Variants in NPSR1 observed in about 807,000 individuals in gnomAD.
NPSR1 encodes neuropeptide S receptor.
In NPSR1, 48 loss-of-function variants were observed where a neutral mutation model predicts 46.9. That is an observed-to-expected ratio of 1.02 (90% confidence interval 0.81 to 1.30). The LOEUF is 1.30. NPSR1 is among the 50% of genes most tolerant of loss of function. NPSR1 has a pLI of 0.00. For missense variants in NPSR1, 450 were observed against 449.5 expected, an observed-to-expected ratio of 1.00 and a Z score of -0.01; for synonymous variants, 176 against 168.1, an observed-to-expected ratio of 1.05 and a Z score of -0.36.
At chr7:34,684,715 G>A in intron 2 of NPSR1, 31 bp downstream of exon 2, 7 of 1,571,118 alleles carry the variant, frequency 4.5e-6, no homozygotes, top group Non-Finnish European at 6.0e-6. Context: ...GAGGCAGGAA[G>A]CTATATGTGA....
In NPSR1 at chr7:34,731,214, A is replaced by G. The variant is rs1221965177; in HGVS notation, c.280+46530A>G. On this transcript the variant is annotated intron_variant, in intron 2 of 8. Coordinates refer to ENST00000360581, the MANE Select transcript of NPSR1 (RefSeq NM_207172.2). ...CTGATCAAGAGTTAATATACTCACT[A>G]AAAAAGGACTTTCTACAAATCAATA... Among the ~76,000 whole-genome samples, 11 of 152,126 alleles carry G rather than the reference A, an allele frequency of 7.2e-5. No individual in the cohort carries two copies. In the East Asian group the frequency reaches 2.1e-3, roughly 29 times the overall value.
chr7:34,789,322 T>C (rs757811136), intron 3 of NPSR1, among the ~76,000 whole-genome samples: 2 of 151,316 alleles, frequency 1.3e-5, no homozygotes, highest in East Asian at 2.0e-4. Context: ...AAATGGAGAA[T>C]AGAAAAACAA....
At chr7:34,673,110 C>T (rs1221612147) in intron 1 of NPSR1, among the ~76,000 whole-genome samples, 4 of 152,158 alleles carry the variant, frequency 2.6e-5, no homozygotes, top group Admixed American at 2.6e-4. Flanking sequence ...AACAGTCTCT[C>T]TAGGCTATAC....
intron 2 of NPSR1, among the ~76,000 whole-genome samples, chr7:34,740,033 G>A (rs1209979457): frequency 6.6e-6 from 1 of 152,116 alleles, no homozygotes; most frequent in African/African-American, 2.4e-5. Context: ...GTTGGGGACA[G>A]GGCTAAGCAT....
At chr7:34,716,878 C>G (rs939174743) in intron 2 of NPSR1, among the ~76,000 whole-genome samples, 12 of 152,152 alleles carry the variant, frequency 7.9e-5, no homozygotes, top group Non-Finnish European at 1.8e-4. Context: ...CCATTGCCTG[C>G]TTTGCACCAA....
intron 2 of NPSR1, among the ~76,000 whole-genome samples, chr7:34,708,888 C>A (rs183620232): frequency 6.6e-6 from 1 of 152,114 alleles, no homozygotes; most frequent in Non-Finnish European, 1.5e-5. Context: ...ACTTCAGGAC[C>A]TTTAAAGTTA....
intron 2 of NPSR1, among the ~76,000 whole-genome samples, chr7:34,714,049 T>C (rs1783431150): frequency 6.6e-6 from 1 of 152,256 alleles, no homozygotes; most frequent in African/African-American, 2.4e-5. Flanking sequence ...CTTTTCTCCA[T>C]GCTGTCTGAG....
At chr7:34,790,861 T>TATATATGTTATATGTTATATTATATATC (rs1562729703) in intron 3 of NPSR1, among the ~76,000 whole-genome samples, 14 of 115,750 alleles carry the variant, frequency 1.2e-4, no homozygotes, top group African/African-American at 4.2e-4. Context: ...TATGTTATGT[T>TATATATGTTATATGTTATATTATATATC]ATATATGTTA....
At chr7:34,726,736 T>C (rs1784171123) in intron 2 of NPSR1, among the ~76,000 whole-genome samples, 1 of 151,920 alleles carries the variant, frequency 6.6e-6, no homozygotes, top group Non-Finnish European at 1.5e-5. Flanking sequence ...TATTACTGAT[T>C]GAAAGAAGTC....
At chr7:34,776,836 A>G (rs1303058140) in intron 2 of NPSR1, among the ~76,000 whole-genome samples, 1 of 152,168 alleles carries the variant, frequency 6.6e-6, no homozygotes, top group Non-Finnish European at 1.5e-5. Flanking sequence ...CTTCTGGCCT[A>G]GGGCATGTCT....
At chr7:34,739,520 A>G (rs937219762) in intron 2 of NPSR1, among the ~76,000 whole-genome samples, 1 of 152,156 alleles carries the variant, frequency 6.6e-6, no homozygotes, top group Admixed American at 6.5e-5. Flanking sequence ...GTGCTTGTTA[A>G]CCATTTGTGT....
intron 3 of NPSR1, among the ~76,000 whole-genome samples, chr7:34,809,400 C>T: frequency 6.7e-6 from 1 of 149,054 alleles, no homozygotes; most frequent in South Asian, 2.1e-4. Flanking sequence ...GTGCAGGTTT[C>T]TTATACAGGT....
At chr7:34,738,686 G>A (rs1784798345) in intron 2 of NPSR1, among the ~76,000 whole-genome samples, 1 of 151,646 alleles carries the variant, frequency 6.6e-6, no homozygotes, top group South Asian at 2.1e-4. Context: ...CCTTTCCTCT[G>A]ATTTAAATTG....
At position 34,804,342 on chromosome 7, in the gene NPSR1, A is replaced by G. The variant is rs1788582464; in HGVS notation, c.385-7428A>G. The stretch of plus-strand genomic sequence containing the variant: ...TATAGTCCGTGGCCAAGTGAGATTT[A>G]TTCCAGGCATGAAAATCTGGTTAAA... On this transcript the variant is annotated intron_variant, in intron 3 of 8. Coordinates refer to ENST00000360581, the MANE Select transcript of NPSR1 (RefSeq NM_207172.2). Among the ~76,000 whole-genome samples the G allele has an allele frequency of 2.0e-5, 3 of 152,172 alleles. No homozygotes were observed. The South Asian group carries it at 6.2e-4, about 31-fold the overall frequency.
chr7:34,689,604 CAAAAAAAAAAAAAAAAA>C (rs869170591), intron 2 of NPSR1, among the ~76,000 whole-genome samples: 1 of 36,676 alleles, frequency 2.7e-5, no homozygotes, highest in Non-Finnish European at 4.7e-5. Context: ...GACTCTGTCT[CAAAAAAAAAAAAAAAAA>C]AAAAAAAAAA....
At chr7:34,723,309 C>T (rs1783961462) in intron 2 of NPSR1, 1 of 152,436 alleles carries the variant, frequency 6.6e-6, no homozygotes, top group Non-Finnish European at 1.5e-5. Context: ...TCCCATTGTC[C>T]AATAATAATC....
At chr7:34,678,636 C>A (rs929507068) in intron 1 of NPSR1, among the ~76,000 whole-genome samples, 3 of 151,876 alleles carry the variant, frequency 2.0e-5, no homozygotes, top group Non-Finnish European at 2.9e-5. Context: ...ACCATCTTGG[C>A]TAACACAGTG....
intron 3 of NPSR1, among the ~76,000 whole-genome samples, chr7:34,802,870 GA>G (rs1002086698): frequency 6.7e-6 from 1 of 149,958 alleles, no homozygotes; most frequent in Admixed American, 6.6e-5. Flanking sequence ...AAATTTACAA[GA>G]AAAAAACAAA....
At chr7:34,861,471 T>C (rs10243848) in intron 8 of NPSR1, among the ~76,000 whole-genome samples, 38,061 of 151,722 alleles carry the variant, frequency 0.25, 5,517 homozygotes, top group Middle Eastern at 0.34. Flanking sequence ...CCCGACTATC[T>C]GGCATTTTTC....
Sources: allele counts gnomAD v4.1 joint callset (sites outside exome capture counted in the v4.1 genomes callset), GRCh38; gene constraint gnomAD v4.1.1; transcripts MANE v1.5; gene names NCBI Gene and HGNC (gene_info 2026-07-23, HGNC 2026-07-21).